ZC3H13: variants seen among roughly 807,000 people sequenced by gnomAD.
ZC3H13 encodes the protein zinc finger CCCH-type containing 13, also known as zinc finger CCCH domain-containing protein 13.
In ZC3H13, 64 loss-of-function variants were observed where a neutral mutation model predicts 204.1. That is an observed-to-expected ratio of 0.31 (90% confidence interval 0.26 to 0.39). The LOEUF (loss-of-function observed/expected upper bound fraction) is 0.39. ZC3H13 is among the 10% of genes least tolerant of loss of function. The pLI, the probability that ZC3H13 is intolerant of heterozygous loss-of-function variation, is 1.00. For synonymous variants in ZC3H13, 667 were observed against 693.7 expected, an observed-to-expected ratio of 0.96 and a Z score of 0.60; for missense variants, 1,833 against 2,082.7, an observed-to-expected ratio of 0.88 and a Z score of 2.33.
At chr13:46,017,542 A>C (rs2041984733) in intron 5 of ZC3H13, among the ~76,000 whole-genome samples, 1 of 152,134 alleles carries the variant, frequency 6.6e-6, no homozygotes, top group South Asian at 2.1e-4. Context: ...AAAGCATATA[A>C]TGGATTTTTA....
chr13:46,045,181 TC>T (rs1401076380), intron 2 of ZC3H13, 117 bp from the exon 3 acceptor site: 3 of 929,588 alleles, frequency 3.2e-6, no homozygotes, highest in Non-Finnish European at 4.8e-6. Flanking sequence ...GATATATTAC[TC>T]CCCAAATAAT....
chr13:46,052,323 G>A (rs867689203), intron 1 of ZC3H13, 81 bp downstream of exon 1: 4 of 390,008 alleles, frequency 1.0e-5, no homozygotes, highest in South Asian at 1.4e-4. Context: ...GCAAAGACGG[G>A]GGGGGGTAAC....
intron 1 of ZC3H13, among the ~76,000 whole-genome samples, chr13:46,049,715 CA>C (rs1468227512): frequency 6.6e-6 from 1 of 152,090 alleles, no homozygotes; most frequent in Non-Finnish European, 1.5e-5. Context: ...AACACCACAA[CA>C]GTTAAAATGT....
chr13:45,983,344 T>C (rs1336820798), intron 10 of ZC3H13, among the ~76,000 whole-genome samples: 3 of 135,370 alleles, frequency 2.2e-5, no homozygotes, highest in African/African-American at 8.6e-5. Flanking sequence ...CCATACTTAG[T>C]AATAAAATGC....
At chr13:46,048,516 GC>G (rs2044155006) in intron 1 of ZC3H13, among the ~76,000 whole-genome samples, 1 of 136,374 alleles carries the variant, frequency 7.3e-6, no homozygotes, top group Admixed American at 8.5e-5. Context: ...GGGAGGCGGA[GC>G]TTGCAGTGAG....
chr13:45,999,938 C>T (rs1024562362), intron 8 of ZC3H13, among the ~76,000 whole-genome samples: 6 of 152,178 alleles, frequency 3.9e-5, no homozygotes, highest in Non-Finnish European at 7.3e-5. Context: ...AGAGCTCCTG[C>T]GTAAACAGGC....
intron 8 of ZC3H13, among the ~76,000 whole-genome samples, chr13:45,996,708 A>G (rs1452920901): frequency 6.6e-6 from 1 of 151,962 alleles, no homozygotes; most frequent in Non-Finnish European, 1.5e-5. Context: ...ATAATGACCC[A>G]AAGTGCAAAG....
chr13:46,024,161 G>C (rs902680088), intron 4 of ZC3H13, among the ~76,000 whole-genome samples: 1 of 152,192 alleles, frequency 6.6e-6, no homozygotes, highest in Non-Finnish European at 1.5e-5. Flanking sequence ...GGAATCCAAA[G>C]TGATCTGCCT....
At chr13:45,976,757 C>T (rs1488181357) in intron 11 of ZC3H13, among the ~76,000 whole-genome samples, 10 of 152,116 alleles carry the variant, frequency 6.6e-5, no homozygotes, top group African/African-American at 1.4e-4. Flanking sequence ...GCAACTACTG[C>T]GGTCTGATCT....
intron 8 of ZC3H13, among the ~76,000 whole-genome samples, chr13:45,990,324 T>A (rs563105659): frequency 6.6e-6 from 1 of 152,306 alleles, no homozygotes; most frequent in East Asian, 1.9e-4. Flanking sequence ...TGTTTATAAA[T>A]GATGCCTTAG....
Position 45,976,108 on chromosome 13 carries a change from CT to C in ZC3H13, c.1913-271del, listed in dbSNP as rs1953026927. On this transcript the variant is annotated intron_variant, in intron 11 of 18. Coordinates refer to ENST00000679008, the MANE Select transcript of ZC3H13 (RefSeq NM_001330564.2). The stretch of plus-strand genomic sequence containing the variant: ...CCCCTCCCACTGATCAATCTTTGAT[CT>C]TTCTCTGCATGCTCCCTACCCTACC... The C allele has an allele frequency of 2.2e-6, 2 of 895,044 alleles. 1 individual carries two copies. Among genetic ancestry groups the C allele is most frequent in the South Asian group, 1.0e-4 (2 of 19,390 alleles). The allele number at this position is 895,044 out of a possible 1,614,324, so 55.4% of individuals were successfully genotyped here. A position where few individuals can be genotyped will look rare whatever the true frequency, so the allele number is the denominator to read the frequency against.
In ZC3H13 at chr13:46,006,050, A is replaced by C. The variant is rs1245075794; in HGVS notation, c.747-2714T>G. On this transcript the variant is annotated intron_variant, in intron 7 of 18. Transcript: ENST00000679008. ...GCAGATGTTGCAGTGAGCTGACTGC[A>C]CACCAGCCTGGGTGACAGAGTGGGA... Among the ~76,000 whole-genome samples, 7 of 150,586 alleles carry C rather than the reference A, an allele frequency of 4.6e-5. No individual in the cohort carries two copies. In the East Asian group the frequency reaches 1.4e-3, roughly 30 times the overall value.
At chr13:45,960,291 T>A (rs2137738827) in intron 17 of ZC3H13, among the ~76,000 whole-genome samples, 1 of 152,308 alleles carries the variant, frequency 6.6e-6, no homozygotes, top group East Asian at 1.9e-4. Flanking sequence ...TTTTAAAGGA[T>A]GTTTTAAAGA....
chr13:46,045,571 T>C, intron 1 of ZC3H13, 55 bp from the exon 2 acceptor site: 2 of 1,201,302 alleles, frequency 1.7e-6, no homozygotes, highest in Non-Finnish European at 2.5e-6. Flanking sequence ...TTTAAATAAC[T>C]GAGCCCACAG....
At chr13:46,049,295 A>C (rs565683963) in intron 1 of ZC3H13, among the ~76,000 whole-genome samples, 2 of 89,494 alleles carry the variant, frequency 2.2e-5, no homozygotes, top group Non-Finnish European at 4.4e-5. Context: ...GAATAATGAC[A>C]ACAATAATAC....
Position 45,979,935 on chromosome 13 carries a change from T to C in ZC3H13, c.1790A>G (p.Glu597Gly), listed in dbSNP as rs2138091196. ...TCTTTCAGGATAGCTACTTCGAGTT[T>C]CCCAGCTGTCATGATAGTTGCTATT... Reference protein sequence around the residue: ...SSNSNYHDSWETRSSYPERDR... With the variant: ...SSNSNYHDSWGTRSSYPERDR... Residue 597 changes from glutamate to glycine, a missense_variant, in exon 11 of 19, where the codon GAA becomes GGA. Glu to Gly is a moderately conservative substitution (Grantham distance 98, BLOSUM62 -2). Coordinates refer to ENST00000679008, the MANE Select transcript of ZC3H13 (RefSeq NM_001330564.2). 6.2e-7 allele frequency: 1 copy of C among 1,612,580 alleles called. No homozygotes were observed. The highest frequency in any genetic ancestry group is 2.2e-5 in the East Asian group (1 of 44,710).
chr13:45,967,746 T>C lies in ZC3H13; in HGVS notation c.4079A>G (p.Glu1360Gly). The C allele has an allele frequency of 6.2e-7, 1 of 1,613,000 alleles. No individual in the cohort carries two copies. Among genetic ancestry groups the C allele is most frequent in the Non-Finnish European group, 8.5e-7 (1 of 1,179,480 alleles). ...DKRRDLDRER[E>G]RLISDSVERD... ...TTCAACAGAATCAGAAATTAGTCTCTCTCTTTCCCTATCCAAGTCTCTCCT... is the reference window on the plus strand; with the variant it reads ...TTCAACAGAATCAGAAATTAGTCTCCCTCTTTCCCTATCCAAGTCTCTCCT... Residue 1360 changes from glutamate (E) to glycine (G), a missense_variant, in exon 15 of 19, where the codon GAG becomes GGG. By Grantham distance (98) the Glu-to-Gly change is moderately conservative (BLOSUM62 -2). Coordinates refer to ENST00000679008, the MANE Select transcript of ZC3H13 (RefSeq NM_001330564.2).
At chr13:46,015,151 T>C (rs1006502127) in intron 5 of ZC3H13, among the ~76,000 whole-genome samples, 2 of 152,138 alleles carry the variant, frequency 1.3e-5, no homozygotes, top group Non-Finnish European at 2.9e-5. Context: ...CCTTTACCAA[T>C]GTAAACCCCC....
At chr13:45,970,288 A>T in intron 13 of ZC3H13, 74 bp downstream of exon 13, 1 of 1,491,872 alleles carries the variant, frequency 6.7e-7, no homozygotes, top group East Asian at 2.3e-5. Flanking sequence ...ATCAGTTCCT[A>T]CTAGTATGAA....
Sources: gnomAD v4.1 joint callset for allele counts (sites outside exome capture counted in the v4.1 genomes callset) on GRCh38, gnomAD v4.1.1 for gene constraint, MANE v1.5 for transcripts, NCBI Gene and HGNC (gene_info 2026-07-23, HGNC 2026-07-21) for gene names.